Variants in NECTIN1 observed in about 807,000 individuals in gnomAD.
The protein encoded by NECTIN1 is nectin-1.
NECTIN1 carries 23 observed loss-of-function variants against 48.0 expected under a neutral mutation model. The observed-to-expected ratio is 0.48, with a 90% CI of 0.34 to 0.68. NECTIN1 has a LOEUF of 0.68. Ranked by LOEUF, NECTIN1 falls within the 30% of genes least tolerant of loss-of-function variation. NECTIN1 has a pLI of 0.01. For synonymous variants in NECTIN1, 270 were observed against 288.9 expected (o/e 0.93, Z 0.66); for missense variants, 591 against 709.9 (o/e 0.83, Z 1.90).
intron 5 of NECTIN1, among the ~76,000 whole-genome samples, chr11:119,669,674 G>A (rs931924417): frequency 1.3e-5 from 2 of 151,838 alleles, no homozygotes; most frequent in East Asian, 1.9e-4. Context: ...CCTACGCCCC[G>A]CCCCACCTCT....
chr11:119,726,628 G>T (rs1865910566), intron 1 of NECTIN1, among the ~76,000 whole-genome samples: 1 of 152,158 alleles, frequency 6.6e-6, no homozygotes, highest in Non-Finnish European at 1.5e-5. Context: ...CAGGCCTCTA[G>T]CCCCCAATGA....
chr11:119,644,692 G>A (rs1255279720), intron 5 of NECTIN1, among the ~76,000 whole-genome samples: 1 of 152,188 alleles, frequency 6.6e-6, no homozygotes, highest in Non-Finnish European at 1.5e-5. Flanking sequence ...TTCTGAACAG[G>A]GTTTTGATAG....
intron 1 of NECTIN1, among the ~76,000 whole-genome samples, chr11:119,706,129 C>T (rs557334450): frequency 4.7e-4 from 72 of 152,336 alleles, no homozygotes; most frequent in Middle Eastern, 6.8e-3. Flanking sequence ...TCTCTTCTTC[C>T]ACCTTCCCCT....
chr11:119,638,178 G>T (rs770620923), exon 8 of NECTIN1: 6 of 1,613,858 alleles, frequency 3.7e-6, no homozygotes. Flanking sequence ...TAGTAGGGGG[G>T]CTGCAGGGAC....
chr11:119,650,554 G>C (rs1018506734), intron 5 of NECTIN1, among the ~76,000 whole-genome samples: 3 of 152,206 alleles, frequency 2.0e-5, no homozygotes, highest in Admixed American at 6.5e-5. Flanking sequence ...GAGTTAGGCT[G>C]GTGCAGTCTC....
chr11:119,638,529 G>T (rs1353709723), intron 7 of NECTIN1, among the ~76,000 whole-genome samples: 9 of 152,162 alleles, frequency 5.9e-5, no homozygotes. Context: ...TCCCCTGGGG[G>T]CCCTGGGTAG....
At chr11:119,708,387 T>C (rs941188736) in intron 1 of NECTIN1, among the ~76,000 whole-genome samples, 4 of 152,148 alleles carry the variant, frequency 2.6e-5, no homozygotes, top group African/African-American at 9.7e-5. Context: ...GGCTTTGTAT[T>C]AGATGAGGGT....
At position 119,684,279 on chromosome 11, in the gene NECTIN1, C is replaced by G. The variant is rs1420272696; in HGVS notation, c.80-5514G>C. On this transcript the variant is annotated intron_variant, in intron 1 of 5. Coordinates refer to ENST00000264025, the MANE Select transcript of NECTIN1 (RefSeq NM_002855.5). This position sits in a 1 kb window ranked among gnomAD's most constrained non-coding sequence, Gnocchi z 5.2. ...CTTCTTTTGTCCTGGCTGTGCCAGCCCACCCCAGCCCCTCCTTTCCTGAGA... is the reference window on the plus strand; with the variant it reads ...CTTCTTTTGTCCTGGCTGTGCCAGCGCACCCCAGCCCCTCCTTTCCTGAGA... Among the ~76,000 whole-genome samples, 3 of 152,332 alleles carry G rather than the reference C, an allele frequency of 2.0e-5. No individual in the cohort carries two copies. The highest frequency in any genetic ancestry group is 3.9e-4 in the East Asian group (2 of 5,174).
rs1865911985 is a variant in NECTIN1 at position 119,726,689 on chromosome 11, G to A, written c.79+1786C>T. Among the ~76,000 whole-genome samples the A allele has an allele frequency of 2.6e-5, 4 of 152,244 alleles. No individual in the cohort carries two copies. The South Asian group carries it at 8.3e-4, about 32-fold the overall frequency. On this transcript the variant is annotated intron_variant, in intron 1 of 5. Transcript: ENST00000264025. ...AAGCTGGGGAAAGAGAATAACAAAAGGAAGGAGAATAGGGTGAGTTCCTTC... is the reference window on the plus strand; with the variant it reads ...AAGCTGGGGAAAGAGAATAACAAAAAGAAGGAGAATAGGGTGAGTTCCTTC...
downstream of NECTIN1, among the ~76,000 whole-genome samples, chr11:119,658,155 A>G (rs1864606357): frequency 6.6e-6 from 1 of 152,052 alleles, no homozygotes; most frequent in Non-Finnish European, 1.5e-5. Context: ...GCTCAAGATG[A>G]GCTTGGATGC....
chr11:119,670,383 T>C (rs1295601018), intron 5 of NECTIN1, among the ~76,000 whole-genome samples: 1 of 152,240 alleles, frequency 6.6e-6, no homozygotes, highest in Non-Finnish European at 1.5e-5. Flanking sequence ...CCTAGACCGC[T>C]TGTCATGTGG....
At position 119,664,588 on chromosome 11, in the gene NECTIN1, T is replaced by C; in HGVS notation, c.*159A>G. The C allele has an allele frequency of 7.0e-7, 1 of 1,436,984 alleles. No homozygotes were observed. The highest frequency in any genetic ancestry group is 1.5e-5 in the South Asian group (1 of 66,150). 89.0% of individuals were successfully genotyped at this position (1,436,984 alleles called of 1,614,324 possible). A position where few individuals can be genotyped will look rare whatever the true frequency, so the allele number is the denominator to read the frequency against. ...ATAAAACACAAAGCCAAGTCGTGGC[T>C]GCCCTGGGCTCCCCTGGCCCCCCAG... On this transcript the variant is annotated 3_prime_UTR_variant, in exon 6 of 6. Transcript: ENST00000264025.
At chr11:119,710,270 G>A (rs953634373) in intron 1 of NECTIN1, among the ~76,000 whole-genome samples, 5 of 152,230 alleles carry the variant, frequency 3.3e-5, no homozygotes, top group Non-Finnish European at 7.3e-5. Context: ...GGAGCAGTGC[G>A]GGAAGGTCAG....
At chr11:119,726,629 C>T (rs1452195285) in intron 1 of NECTIN1, among the ~76,000 whole-genome samples, 1 of 152,150 alleles carries the variant, frequency 6.6e-6, no homozygotes, top group African/African-American at 2.4e-5. Context: ...AGGCCTCTAG[C>T]CCCCAATGAA....
Position 119,675,277 on chromosome 11 carries a change from G to A in NECTIN1, c.885C>T (p.Ala295=), listed in dbSNP as rs1864927587. The A allele has an allele frequency of 5.6e-6, 9 of 1,614,024 alleles. No individual in the cohort carries two copies. The highest frequency in any genetic ancestry group is 7.6e-6 in the Non-Finnish European group (9 of 1,180,002). ...CCTTGAAGAAGAGGGTTCTGTTCTG[G>A]GCCTCCACACCCTTGGGGAGAGAGC... ...LNGSLPKGVE[A]QNRTLFFKGP... is the part of the protein sequence containing the mutation. Residue 295 remains alanine, a synonymous_variant, in exon 5 of 6, where the codon GCC becomes GCT. Transcript: ENST00000264025.
At chr11:119,680,549 G>A (rs771284227) in intron 1 of NECTIN1, among the ~76,000 whole-genome samples, 3 of 152,244 alleles carry the variant, frequency 2.0e-5, no homozygotes, top group Non-Finnish European at 4.4e-5. Context: ...CCCATGGTCA[G>A]TGCAGTAAGT....
intron 5 of NECTIN1, among the ~76,000 whole-genome samples, chr11:119,653,148 G>A (rs1312236121): frequency 6.6e-6 from 1 of 152,146 alleles, no homozygotes; most frequent in Non-Finnish European, 1.5e-5. Flanking sequence ...TGGTGACATG[G>A]GTGTGTACAA....
Position 119,690,714 on chromosome 11 carries a change from C to T in NECTIN1, c.80-11949G>A, listed in dbSNP as rs117552856. 8.5e-3 allele frequency among the ~76,000 whole-genome samples: 1,289 copies of T among 152,276 alleles called. 11 individuals are homozygous for T. Among genetic ancestry groups the T allele is most frequent in the Non-Finnish European group, 0.012 (846 of 68,014 alleles). ...AAACCCCACAGAGGGGAGACCAGCC[C>T]GTGCCCAGATGTTCAGGCTTATGTC... On this transcript the variant is annotated intron_variant, in intron 1 of 5. Transcript: ENST00000264025.
At position 119,665,257 on chromosome 11, in the gene NECTIN1, G is replaced by A. The variant is rs1021886512; in HGVS notation, c.1044C>T (p.Arg348=). Residue 348 remains arginine, a synonymous_variant, in exon 6 of 6, where the codon CGC becomes CGT. Coordinates refer to ENST00000264025, the MANE Select transcript of NECTIN1 (RefSeq NM_002855.5). This position sits in a 1 kb window ranked among gnomAD's most constrained non-coding sequence, Gnocchi z 5.1. ...TGATGGCCGTGGGCACCGGCCCGGC[G>A]CGCCGCCCATGTTCGGGAGGAGACG... ...YTPSPPEHGR[R]AGPVPTAIIG... The A allele has an allele frequency of 1.3e-5, 20 of 1,597,772 alleles. No individual in the cohort carries two copies. In the East Asian group the frequency reaches 2.9e-4, roughly 23 times the overall value.
Sources: gnomAD v4.1 joint callset for allele counts (sites outside exome capture counted in the v4.1 genomes callset) on GRCh38, gnomAD v4.1.1 for gene constraint, Gnocchi (gnomAD v3.1) non-coding constraint, MANE v1.5 for transcripts, NCBI Gene and HGNC (gene_info 2026-07-23, HGNC 2026-07-21) for gene names.